TSPAN9: variants seen among roughly 807,000 people sequenced by gnomAD.
TSPAN9 encodes tetraspanin-9.
A neutral mutation model predicts 31.0 loss-of-function variants in TSPAN9; 16 were observed. The ratio of observed to expected loss-of-function variants is 0.52; its 90% CI spans 0.35 to 0.78. TSPAN9 has a LOEUF of 0.78. Among genes scored for constraint, TSPAN9 ranks in the 30% least tolerant of loss-of-function variants. TSPAN9 has a pLI of 0.01. For synonymous variants in TSPAN9, 145 were observed against 121.6 expected (o/e 1.19, Z -1.27); for missense variants, 272 against 312.5 (o/e 0.87, Z 0.98).
intron 2 of TSPAN9, among the ~76,000 whole-genome samples, chr12:3,175,968 C>T (rs1386646055): frequency 2.6e-5 from 4 of 152,184 alleles, no homozygotes; most frequent in Non-Finnish European, 4.4e-5. Context: ...TGCCTGTATG[C>T]CTTTCTCCTT....
intron 2 of TSPAN9, among the ~76,000 whole-genome samples, chr12:3,162,377 G>A (rs1305993934): frequency 6.6e-6 from 1 of 152,228 alleles, no homozygotes; most frequent in Non-Finnish European, 1.5e-5. Flanking sequence ...GCAGCTGCAT[G>A]CTAAATAATT....
chr12:3,171,692 GC>G (rs2153970316), intron 2 of TSPAN9: 1 of 152,290 alleles, frequency 6.6e-6, no homozygotes, highest in South Asian at 2.1e-4. Flanking sequence ...TTGATGAACT[GC>G]TATTGACAGA....
intron 2 of TSPAN9, among the ~76,000 whole-genome samples, chr12:3,120,609 C>T (rs540064020): frequency 5.9e-5 from 9 of 152,244 alleles, no homozygotes; most frequent in Non-Finnish European, 1.2e-4. Context: ...CACCTCTTTC[C>T]TTTTATGCCC....
intron 2 of TSPAN9, among the ~76,000 whole-genome samples, chr12:3,153,781 C>T (rs1299549836): frequency 6.6e-6 from 1 of 151,080 alleles, no homozygotes; most frequent in East Asian, 1.9e-4. Context: ...GTGCAGCTCA[C>T]AATTTTAACT....
At chr12:3,277,844 G>A (rs1396391960) in intron 3 of TSPAN9, among the ~76,000 whole-genome samples, 2 of 152,214 alleles carry the variant, frequency 1.3e-5, no homozygotes, top group African/African-American at 4.8e-5. Context: ...GCCAGCCGAT[G>A]ACTGCCTCCT....
intron 3 of TSPAN9, among the ~76,000 whole-genome samples, chr12:3,270,434 T>C (rs1464897455): frequency 6.6e-6 from 1 of 152,214 alleles, no homozygotes. Context: ...GGGCCATCTC[T>C]CACCCATGCC....
At chr12:3,182,104 G>GC (rs2098358842) in intron 2 of TSPAN9, among the ~76,000 whole-genome samples, 2 of 152,058 alleles carry the variant, frequency 1.3e-5, no homozygotes. Flanking sequence ...GAAGGCTGTA[G>GC]CCCCCTGGAC....
chr12:3,198,379 CCACCACCAGCACAGGT>C (rs1231211982), intron 2 of TSPAN9, among the ~76,000 whole-genome samples: 54 of 71,758 alleles, frequency 7.5e-4, no homozygotes, highest in African/African-American at 1.9e-3. Context: ...CCAGCACAGG[CCACCACCAGCACAGGT>C]CACCACCAGC....
intron 2 of TSPAN9, among the ~76,000 whole-genome samples, chr12:3,118,162 C>T (rs180683818): frequency 2.3e-4 from 34 of 150,672 alleles, no homozygotes; most frequent in Non-Finnish European, 4.4e-4. Context: ...GCATGTAGAA[C>T]CCCCCCGGCA....
intron 2 of TSPAN9, among the ~76,000 whole-genome samples, chr12:3,123,159 G>A (rs1337201617): frequency 1.3e-5 from 2 of 152,176 alleles, no homozygotes; most frequent in Admixed American, 6.5e-5. Context: ...CTCCAGCCCC[G>A]TCGACGAACA....
At chr12:3,244,005 G>T (rs2098398007) in intron 3 of TSPAN9, among the ~76,000 whole-genome samples, 1 of 152,222 alleles carries the variant, frequency 6.6e-6, no homozygotes. Flanking sequence ...TCTGGTGCCT[G>T]GCACCTGGGC....
chr12:3,260,774 A>ACTG (rs1165722333), intron 3 of TSPAN9, among the ~76,000 whole-genome samples: 15 of 152,186 alleles, frequency 9.9e-5, no homozygotes, highest in Admixed American at 9.8e-4. Context: ...AATGATAGGC[A>ACTG]CTGCTGAGTG....
At chr12:3,160,902 T>C (rs2098344783) in intron 2 of TSPAN9, among the ~76,000 whole-genome samples, 1 of 152,226 alleles carries the variant, frequency 6.6e-6, no homozygotes, top group African/African-American at 2.4e-5. Context: ...CTTTTTTTGA[T>C]GGTGTTATTT....
At chr12:3,247,418 G>C (rs1400007638) in intron 3 of TSPAN9, among the ~76,000 whole-genome samples, 1 of 151,506 alleles carries the variant, frequency 6.6e-6, no homozygotes. Context: ...GGTCCTTTCT[G>C]CCTTTGACTC....
At position 3,147,911 on chromosome 12, in the gene TSPAN9, G is replaced by T. The variant is rs565923993; in HGVS notation, c.-17-53266G>T. Among the ~76,000 whole-genome samples the T allele has an allele frequency of 2.6e-4, 39 of 152,238 alleles. No homozygotes were observed. The highest frequency in any genetic ancestry group is 3.4e-3 in the Middle Eastern group (1 of 294). Reference sequence around the variant, plus strand: ...GTGTACACATATGTGGAGTCGGGTGGGTCGGGGGGCACAGCTTGGCAGATA... The same window carrying T: ...GTGTACACATATGTGGAGTCGGGTGTGTCGGGGGGCACAGCTTGGCAGATA... On this transcript the variant is annotated intron_variant, in intron 2 of 8. Transcript: ENST00000011898. The surrounding 1 kb of genome is among the most constrained non-coding windows in gnomAD (Gnocchi z 4.3).
chr12:3,079,925 A>C (rs2098297047), intron 1 of TSPAN9, among the ~76,000 whole-genome samples: 1 of 150,698 alleles, frequency 6.6e-6, no homozygotes, highest in Admixed American at 6.6e-5. Context: ...TACAGGCCCC[A>C]TGCTCAGATA....
intron 2 of TSPAN9, among the ~76,000 whole-genome samples, chr12:3,149,454 T>C (rs759011183): frequency 6.6e-6 from 1 of 152,236 alleles, no homozygotes; most frequent in Non-Finnish European, 1.5e-5. Context: ...AACCTTGCAT[T>C]CTTCAGAAGC....
At chr12:3,121,295 G>C (rs1029478861) in intron 2 of TSPAN9, among the ~76,000 whole-genome samples, 3 of 150,470 alleles carry the variant, frequency 2.0e-5, no homozygotes, top group Non-Finnish European at 4.4e-5. Flanking sequence ...CCACAGATGC[G>C]TTTTGTTTGG....
intron 2 of TSPAN9, among the ~76,000 whole-genome samples, chr12:3,133,728 G>A (rs1197452119): frequency 6.6e-6 from 1 of 152,190 alleles, no homozygotes; most frequent in Non-Finnish European, 1.5e-5. Flanking sequence ...CTTGAATAAG[G>A]GGTGACTGGG....
Sources: gnomAD v4.1 joint callset for allele counts (sites outside exome capture counted in the v4.1 genomes callset) on GRCh38, gnomAD v4.1.1 for gene constraint, Gnocchi (gnomAD v3.1) non-coding constraint, MANE v1.5 for transcripts, NCBI Gene and HGNC (gene_info 2026-07-23, HGNC 2026-07-21) for gene names.